Variants in COP1 observed in about 807,000 individuals in gnomAD.
The protein encoded by COP1 is COP1 E3 ubiquitin ligase.
In COP1, 24 loss-of-function variants were observed where a neutral mutation model predicts 101.3. The observed-to-expected ratio is 0.24, with a 90% CI of 0.17 to 0.33. The LOEUF is 0.33. Among genes scored for constraint, COP1 ranks in the 10% least tolerant of loss-of-function variants. COP1 has a pLI of 1.00. For missense variants in COP1, 663 were observed against 906.2 expected (o/e 0.73, Z 3.45); for synonymous variants, 347 against 341.9 (o/e 1.01, Z -0.17).
At chr1:176,113,967 T>C (rs1254265919) in intron 9 of COP1, among the ~76,000 whole-genome samples, 4 of 151,644 alleles carry the variant, frequency 2.6e-5, no homozygotes, top group Non-Finnish European at 5.9e-5. Context: ...TTTTATAGTT[T>C]GCACAGTGAC....
chr1:176,177,641 T>TAGA (rs1268531128), intron 2 of COP1, among the ~76,000 whole-genome samples: 2 of 152,132 alleles, frequency 1.3e-5, no homozygotes, highest in Non-Finnish European at 2.9e-5. Flanking sequence ...ATTACAAAGG[T>TAGA]GATCTGTAAA....
At chr1:176,083,637 T>C (rs1357922483) in intron 10 of COP1, among the ~76,000 whole-genome samples, 1 of 152,188 alleles carries the variant, frequency 6.6e-6, no homozygotes, top group African/African-American at 2.4e-5. Context: ...CCTCTTTCAA[T>C]TACAGTTAAA....
At chr1:176,149,467 T>C (rs985523480) in intron 5 of COP1, among the ~76,000 whole-genome samples, 10 of 152,132 alleles carry the variant, frequency 6.6e-5, no homozygotes, top group Non-Finnish European at 1.5e-4. Flanking sequence ...GAGAAGTTCA[T>C]TTGCAGAGGT....
At chr1:176,058,254 C>A (rs1388379349) in intron 11 of COP1, among the ~76,000 whole-genome samples, 1 of 152,080 alleles carries the variant, frequency 6.6e-6, no homozygotes, top group Non-Finnish European at 1.5e-5. Context: ...GCCACCACCC[C>A]GTCTGGGAGG....
chr1:176,204,119 CACACAAAGAAA>C (rs146842196), intron 1 of COP1, among the ~76,000 whole-genome samples: 5,096 of 152,256 alleles, frequency 0.033, 115 homozygotes, highest in Non-Finnish European at 0.047. Flanking sequence ...TCTCTAATTG[CACACAAAGAAA>C]ACACAAAGTT....
chr1:175,987,129 T>C (rs1449508190), intron 17 of COP1, 26 bp from the exon 18 acceptor site: 1 of 1,233,418 alleles, frequency 8.1e-7, no homozygotes, highest in Non-Finnish European at 1.1e-6. Context: ...AATAATAGTA[T>C]TTTAGAATAG....
At chr1:176,013,156 A>C (rs1664983968) in intron 15 of COP1, among the ~76,000 whole-genome samples, 1 of 152,160 alleles carries the variant, frequency 6.6e-6, no homozygotes, top group Non-Finnish European at 1.5e-5. Flanking sequence ...TGTATTTCCA[A>C]AATTTATCTT....
chr1:176,124,932 A>G (rs1687769444), intron 8 of COP1, among the ~76,000 whole-genome samples: 1 of 152,158 alleles, frequency 6.6e-6, no homozygotes, highest in Non-Finnish European at 1.5e-5. Context: ...AGCATTTGTT[A>G]CTGCCAAACT....
intron 11 of COP1, among the ~76,000 whole-genome samples, chr1:176,052,573 T>C (rs1672754540): frequency 6.6e-6 from 1 of 152,174 alleles, no homozygotes; most frequent in South Asian, 2.1e-4. Context: ...TTACTGAAGA[T>C]CCTTCAAAAT....
At chr1:176,080,353 T>C (rs1678890965) in intron 11 of COP1, among the ~76,000 whole-genome samples, 1 of 152,120 alleles carries the variant, frequency 6.6e-6, no homozygotes, top group Non-Finnish European at 1.5e-5. Flanking sequence ...TCAATTTTTA[T>C]CTTAAGAAAT....
chr1:176,127,949 T>C (rs1412535935), intron 8 of COP1, among the ~76,000 whole-genome samples: 8 of 152,134 alleles, frequency 5.3e-5, no homozygotes, highest in African/African-American at 1.9e-4. Context: ...TGTGAGGTGA[T>C]GTGCATTAAT....
At chr1:176,064,575 C>T (rs1558034582) in intron 11 of COP1, among the ~76,000 whole-genome samples, 1 of 152,152 alleles carries the variant, frequency 6.6e-6, no homozygotes, top group Non-Finnish European at 1.5e-5. Context: ...ATATCTAAAA[C>T]CATTTGACCT....
At chr1:176,024,962 G>C (rs1667415774) in intron 15 of COP1, among the ~76,000 whole-genome samples, 1 of 151,992 alleles carries the variant, frequency 6.6e-6, no homozygotes, top group South Asian at 2.1e-4. Context: ...ATGAATAATA[G>C]GCTAATTTAA....
intron 15 of COP1, among the ~76,000 whole-genome samples, chr1:176,010,440 C>T (rs1043614893): frequency 1.3e-5 from 2 of 152,040 alleles, no homozygotes; most frequent in Non-Finnish European, 2.9e-5. Context: ...ATGTCTCTGG[C>T]CTATTATATA....
chr1:176,090,597 T>C (rs1423654905), intron 9 of COP1, among the ~76,000 whole-genome samples: 1 of 152,016 alleles, frequency 6.6e-6, no homozygotes, highest in Non-Finnish European at 1.5e-5. Context: ...GGACAATACC[T>C]ACACAAAAGT....
chr1:176,171,555 T>C (rs1317629003), intron 3 of COP1, among the ~76,000 whole-genome samples: 1 of 152,186 alleles, frequency 6.6e-6, no homozygotes, highest in Non-Finnish European at 1.5e-5. Flanking sequence ...AACTTTTCCT[T>C]TGCATTCACA....
At chr1:176,002,950 T>C (rs1369429772) in intron 15 of COP1, among the ~76,000 whole-genome samples, 1 of 149,680 alleles carries the variant, frequency 6.7e-6, no homozygotes, top group African/African-American at 2.4e-5. Context: ...CCACAATGGT[T>C]GAACTAGTTT....
intron 11 of COP1, among the ~76,000 whole-genome samples, chr1:176,063,053 T>TTG (rs1168098544): frequency 7.4e-6 from 1 of 135,476 alleles, no homozygotes; most frequent in Non-Finnish European, 1.6e-5. Context: ...AAATGTTTTT[T>TTG]TTTTTTTTTT....
chr1:176,088,714 G>A (rs1572159874), intron 9 of COP1, among the ~76,000 whole-genome samples: 1 of 152,074 alleles, frequency 6.6e-6, no homozygotes, highest in East Asian at 1.9e-4. Flanking sequence ...ATATCTATTT[G>A]GCCGGGCGCA....
Sources: gnomAD v4.1 joint callset for allele counts (sites outside exome capture counted in the v4.1 genomes callset) on GRCh38, gnomAD v4.1.1 for gene constraint, MANE v1.5 for transcripts, NCBI Gene and HGNC (gene_info 2026-07-23, HGNC 2026-07-21) for gene names.